Variants in GTF2E2 observed in about 807,000 individuals in gnomAD.
The protein encoded by GTF2E2 is transcription initiation factor IIE subunit beta.
GTF2E2 carries 21 observed loss-of-function variants against 40.5 expected under a neutral mutation model. The observed-to-expected ratio is 0.52, with a 90% CI of 0.37 to 0.75. The LOEUF (loss-of-function observed/expected upper bound fraction) is 0.75, where lower values mean the gene tolerates loss of function less well. Among genes scored for constraint, GTF2E2 ranks in the 30% least tolerant of loss-of-function variants. The pLI is 0.00. For synonymous variants in GTF2E2, 117 were observed against 121.6 expected (o/e 0.96, Z 0.25); for missense variants, 298 against 338.4 (o/e 0.88, Z 0.94).
In GTF2E2 at chr8:30,612,410, T is replaced by C; in HGVS notation, c.438A>G (p.Arg146=). 1 of 1,612,096 alleles carries C rather than the reference T, an allele frequency of 6.2e-7. No homozygotes were observed. The highest frequency in any genetic ancestry group is 8.5e-7 in the Non-Finnish European group (1 of 1,178,234). ...AGAGCCTAAGTAGGGCCTTCTTATC[T>C]CTCACGTTGTACTTGGGCTTGAAAG... ...KYAFKPKYNV[R]DKKALLRLLD... Residue 146 remains arginine, a synonymous_variant, in exon 5 of 8, where the codon AGA becomes AGG. Coordinates refer to ENST00000355904, the MANE Select transcript of GTF2E2 (RefSeq NM_002095.6).
rs554766361 is a variant in GTF2E2, at chr8:30,586,905, C to T, written c.644-6509G>A. On this transcript the variant is annotated intron_variant, in intron 6 of 7. Transcript: ENST00000355904. ...CATAAGACCTGAACCTGTGAAAATACTACAAGAAAACACAGGGAAAACAAC... is the reference window on the plus strand; with the variant it reads ...CATAAGACCTGAACCTGTGAAAATATTACAAGAAAACACAGGGAAAACAAC... 1.6e-3 allele frequency among the ~76,000 whole-genome samples: 251 copies of T among 152,258 alleles called. 1 individual carries two copies. Among genetic ancestry groups the T allele is most frequent in the Admixed American group, 3.6e-3 (55 of 15,298 alleles).
intron 6 of GTF2E2, among the ~76,000 whole-genome samples, chr8:30,593,644 A>G (rs1253612973): frequency 6.6e-6 from 1 of 152,108 alleles, no homozygotes; most frequent in Non-Finnish European, 1.5e-5. Context: ...CTACAGGTGC[A>G]CACCACCACA....
intron 6 of GTF2E2, chr8:30,597,269 C>G (rs1318480243): frequency 6.6e-6 from 1 of 152,210 alleles, no homozygotes; most frequent in Non-Finnish European, 1.5e-5. Context: ...AGGCTCTTAT[C>G]TCATAGGAGC....
At chr8:30,641,743 T>A in intron 2 of GTF2E2, among the ~76,000 whole-genome samples, 1 of 152,306 alleles carries the variant, frequency 6.6e-6, no homozygotes, top group South Asian at 2.1e-4. Flanking sequence ...TGGGTGTGAC[T>A]GTACATACCT....
At position 30,629,549 on chromosome 8, in the gene GTF2E2, C is replaced by G. The variant is rs186104594; in HGVS notation, c.258+5483G>C. Reference sequence around the variant, plus strand: ...AAAAAATACAAAAAAATTAGCCAGGCGTGGTGGCAGGCGCCTGTAGTCCCA... The same window carrying G: ...AAAAAATACAAAAAAATTAGCCAGGGGTGGTGGCAGGCGCCTGTAGTCCCA... On this transcript the variant is annotated intron_variant, in intron 3 of 7. Coordinates refer to ENST00000355904, the MANE Select transcript of GTF2E2 (RefSeq NM_002095.6). Among the ~76,000 whole-genome samples, 69 of 151,994 alleles carry G rather than the reference C, an allele frequency of 4.5e-4. 1 individual carries two copies. Among genetic ancestry groups the G allele is most frequent in the African/African-American group, 1.6e-3 (68 of 41,454 alleles).
At chr8:30,622,878 C>T (rs1051416309) in intron 3 of GTF2E2, among the ~76,000 whole-genome samples, 2 of 152,206 alleles carry the variant, frequency 1.3e-5, no homozygotes, top group East Asian at 3.9e-4. Flanking sequence ...CTGAACATTG[C>T]TGTTACCCTG....
chr8:30,649,412 C>T (rs2128729633), intron 2 of GTF2E2, among the ~76,000 whole-genome samples: 2 of 151,142 alleles, frequency 1.3e-5, no homozygotes, highest in African/African-American at 4.9e-5. Flanking sequence ...TAAAAACAAA[C>T]AAACAAACAA....
chr8:30,655,732 A>T (rs1197782925), intron 1 of GTF2E2, among the ~76,000 whole-genome samples: 1 of 152,240 alleles, frequency 6.6e-6, no homozygotes, highest in Non-Finnish European at 1.5e-5. Flanking sequence ...ATAAGAAATA[A>T]TCAGACTGAA....
chr8:30,645,823 T>C (rs988609704), intron 2 of GTF2E2: 6 of 443,120 alleles, frequency 1.4e-5, no homozygotes, highest in African/African-American at 1.2e-4. Flanking sequence ...ATCTGTTTAA[T>C]ACTGACACTT....
At chr8:30,599,283 A>G (rs1015945589) in intron 6 of GTF2E2, among the ~76,000 whole-genome samples, 19 of 152,304 alleles carry the variant, frequency 1.2e-4, no homozygotes, top group Non-Finnish European at 2.1e-4. Flanking sequence ...CCAAAAAAAT[A>G]AATAAATAAC....
At chr8:30,629,155 T>A (rs1436323668) in intron 3 of GTF2E2, among the ~76,000 whole-genome samples, 2 of 152,206 alleles carry the variant, frequency 1.3e-5, no homozygotes, top group African/African-American at 2.4e-5. Context: ...TTTTAAAAAA[T>A]TTTTATACCT....
At chr8:30,645,315 T>C in intron 2 of GTF2E2, 1 of 1,535,036 alleles carries the variant, frequency 6.5e-7, no homozygotes, top group African/African-American at 1.4e-5. Context: ...TAAGAATGGC[T>C]TCCAGCCACT....
intron 3 of GTF2E2, among the ~76,000 whole-genome samples, chr8:30,619,465 C>T (rs1489894165): frequency 5.3e-5 from 8 of 151,124 alleles, no homozygotes; most frequent in Non-Finnish European, 1.0e-4. Flanking sequence ...CTCGGCTCAC[C>T]GCAACCGCCA....
At chr8:30,622,390 T>G (rs1490655535) in intron 3 of GTF2E2, among the ~76,000 whole-genome samples, 1 of 148,946 alleles carries the variant, frequency 6.7e-6, no homozygotes, top group Non-Finnish European at 1.5e-5. Context: ...GGGGAGGGAG[T>G]GTACAAATAG....
chr8:30,652,910 T>C (rs73245371), intron 2 of GTF2E2, among the ~76,000 whole-genome samples: 29,139 of 152,122 alleles, frequency 0.19, 3,512 homozygotes, highest in East Asian at 0.43. Flanking sequence ...TGATGCATAC[T>C]ACATGGATGG....
At chr8:30,638,430 G>A (rs1253223642) in intron 2 of GTF2E2, among the ~76,000 whole-genome samples, 3 of 152,066 alleles carry the variant, frequency 2.0e-5, no homozygotes, top group Non-Finnish European at 2.9e-5. Context: ...AAAGGAGAAG[G>A]GATGACAGTT....
intron 6 of GTF2E2, among the ~76,000 whole-genome samples, chr8:30,603,899 C>G (rs975093196): frequency 6.6e-6 from 1 of 152,052 alleles, no homozygotes; most frequent in Non-Finnish European, 1.5e-5. Context: ...GAGGGCCACG[C>G]TCTGAAAAAC....
intron 5 of GTF2E2, 131 bp from the exon 6 acceptor site, chr8:30,607,281 A>G (rs1319914508): frequency 1.9e-5 from 8 of 429,058 alleles, no homozygotes; most frequent in Non-Finnish European, 3.0e-5. Context: ...GTCCTCCACC[A>G]TAGGTCCACT....
At chr8:30,625,154 T>C (rs113478337) in intron 3 of GTF2E2, among the ~76,000 whole-genome samples, 1,974 of 152,206 alleles carry the variant, frequency 0.013, 66 homozygotes, top group African/African-American at 0.044. Flanking sequence ...TTGTCATAAA[T>C]AGCTCTTATT....
Sources: allele counts gnomAD v4.1 joint callset (sites outside exome capture counted in the v4.1 genomes callset), GRCh38; gene constraint gnomAD v4.1.1; transcripts MANE v1.5; gene names NCBI Gene and HGNC (gene_info 2026-07-23, HGNC 2026-07-21).